STXBP4: variants seen among roughly 807,000 people sequenced by gnomAD.
STXBP4 encodes syntaxin-binding protein 4.
STXBP4 carries 55 observed loss-of-function variants against 76.1 expected under a neutral mutation model. That is an observed-to-expected ratio of 0.72 (90% CI 0.58 to 0.91). The LOEUF is 0.91. Ranked by LOEUF, STXBP4 falls within the 40% of genes least tolerant of loss-of-function variation. The pLI, the probability that STXBP4 is intolerant of heterozygous loss-of-function variation, is 0.00. For missense variants in STXBP4, 618 were observed against 636.9 expected (o/e 0.97, Z 0.32); for synonymous variants, 201 against 220.2 (o/e 0.91, Z 0.77).
intron 16 of STXBP4, among the ~76,000 whole-genome samples, chr17:55,121,331 C>T (rs1248129621): frequency 6.6e-6 from 1 of 152,004 alleles, no homozygotes; most frequent in Non-Finnish European, 1.5e-5. Context: ...TTTTGAATGG[C>T]AGTGATGGAA....
chr17:55,110,755 C>T (rs763323402), intron 16 of STXBP4, among the ~76,000 whole-genome samples: 3 of 152,118 alleles, frequency 2.0e-5, no homozygotes, highest in Non-Finnish European at 2.9e-5. Context: ...TAAGAATAGG[C>T]GGCAGTCCAG....
chr17:55,100,394 A>G (rs1055973751), intron 16 of STXBP4, among the ~76,000 whole-genome samples: 17 of 152,244 alleles, frequency 1.1e-4, no homozygotes, highest in East Asian at 1.9e-4. Context: ...ACAATTACTT[A>G]TAGCCTCAAT....
the STXBP4 span, among the ~76,000 whole-genome samples, chr17:55,209,201 C>T: frequency 1.3e-5 from 2 of 152,038 alleles, no homozygotes; most frequent in African/African-American, 4.8e-5. Flanking sequence ...GTTTATTTTC[C>T]ACTTTTGACG....
chr17:55,102,707 C>T (rs903582247), intron 16 of STXBP4, among the ~76,000 whole-genome samples: 1 of 152,196 alleles, frequency 6.6e-6, no homozygotes, highest in Non-Finnish European at 1.5e-5. Context: ...GGCACACTGT[C>T]TTCCACAATA....
rs968094875 is a variant in STXBP4 at position 55,165,184 on chromosome 17, G to A, written c.*5273G>A. On this transcript the variant is annotated 3_prime_UTR_variant, in exon 18 of 18. Coordinates refer to ENST00000376352, the MANE Select transcript of STXBP4 (RefSeq NM_178509.6). ...CCTTGGGGAACTAGAAAGGATTTAT[G>A]ATTTAGGTCAAAGATTTGAGAGCAC... 2 of 152,194 alleles carry A rather than the reference G, an allele frequency of 1.3e-5. No individual in the cohort carries two copies. Among genetic ancestry groups the A allele is most frequent in the African/African-American group, 4.8e-5 (2 of 41,452 alleles). The allele number at this position is 152,194 out of a possible 1,614,324, so 9.4% of individuals were successfully genotyped here.
At chr17:55,012,748 A>T (rs980138040) in intron 8 of STXBP4, among the ~76,000 whole-genome samples, 1 of 152,120 alleles carries the variant, frequency 6.6e-6, no homozygotes, top group African/African-American at 2.4e-5. Flanking sequence ...TTCCATTATC[A>T]CTGACCACTG....
intron 12 of STXBP4, among the ~76,000 whole-genome samples, chr17:55,059,237 C>T (rs867079881): frequency 3.3e-5 from 5 of 152,150 alleles, no homozygotes; most frequent in African/African-American, 1.2e-4. Flanking sequence ...AGGCTGATTG[C>T]ATAAAATATT....
At chr17:55,061,854 A>G (rs2078998293) in intron 12 of STXBP4, among the ~76,000 whole-genome samples, 1 of 152,114 alleles carries the variant, frequency 6.6e-6, no homozygotes, top group Non-Finnish European at 1.5e-5. Context: ...AAACTGGTTA[A>G]ATCTAAATAA....
intron 17 of STXBP4, among the ~76,000 whole-genome samples, chr17:55,150,721 G>C (rs1407752844): frequency 6.6e-6 from 1 of 152,144 alleles, no homozygotes; most frequent in Non-Finnish European, 1.5e-5. Flanking sequence ...TTAGGCCCTA[G>C]TCTTAGGGGA....
chr17:55,032,545 A>G (rs1004279356), intron 9 of STXBP4, among the ~76,000 whole-genome samples: 1 of 152,192 alleles, frequency 6.6e-6, no homozygotes, highest in African/African-American at 2.4e-5. Context: ...GTTTTTAGGC[A>G]GGATATTAAA....
chr17:55,085,632 A>T (rs2079316039), intron 16 of STXBP4, among the ~76,000 whole-genome samples: 1 of 152,156 alleles, frequency 6.6e-6, no homozygotes, highest in Middle Eastern at 3.4e-3. Flanking sequence ...AGAGAAAGAA[A>T]GATGTAAAGT....
At chr17:54,982,336 T>C (rs867422317) in intron 1 of STXBP4, among the ~76,000 whole-genome samples, 3 of 152,288 alleles carry the variant, frequency 2.0e-5, no homozygotes, top group Middle Eastern at 3.4e-3. Context: ...GGGATGAAGA[T>C]TGTTTTAATG....
intron 4 of STXBP4, among the ~76,000 whole-genome samples, chr17:54,998,658 A>C (rs1404193987): frequency 1.3e-5 from 2 of 152,162 alleles, no homozygotes; most frequent in African/African-American, 2.4e-5. Flanking sequence ...TATAGTAAAA[A>C]AGATTATGCT....
chr17:55,127,189 TC>T (rs1408045477), intron 16 of STXBP4, among the ~76,000 whole-genome samples: 5 of 152,188 alleles, frequency 3.3e-5, no homozygotes, highest in Admixed American at 1.3e-4. Context: ...TTGCTTTCTA[TC>T]ACTGTAGTTT....
At chr17:55,117,598 C>T (rs567870154) in intron 16 of STXBP4, among the ~76,000 whole-genome samples, 2 of 81,862 alleles carry the variant, frequency 2.4e-5, no homozygotes, top group South Asian at 3.4e-4. Context: ...CTGCACTAAT[C>T]GAAAAAAAAA....
chr17:55,139,903 T>G (rs2080076332), intron 16 of STXBP4, among the ~76,000 whole-genome samples: 1 of 152,138 alleles, frequency 6.6e-6, no homozygotes, highest in Non-Finnish European at 1.5e-5. Flanking sequence ...ACAATGCAAA[T>G]TGTATTTCTT....
chr17:55,162,662 TAA>T lies in STXBP4; in HGVS notation c.*2758_*2759del, dbSNP rs991188350. On this transcript the variant is annotated 3_prime_UTR_variant, in exon 18 of 18. Coordinates refer to ENST00000376352, the MANE Select transcript of STXBP4 (RefSeq NM_178509.6). The stretch of plus-strand genomic sequence containing the variant: ...AATTTTAAAACTAATCTATTTTATT[TAA>T]AAAAAATCAAGTACTTTGGAAGTGA... 1 of 151,882 alleles carries T rather than the reference TAA, an allele frequency of 6.6e-6. No individual in the cohort carries two copies. The highest frequency in any genetic ancestry group is 1.9e-4 in the East Asian group (1 of 5,200). 9.4% of individuals were successfully genotyped at this position (151,882 alleles called of 1,614,324 possible).
At chr17:55,043,702 T>C in intron 11 of STXBP4, 12 of 1,494,984 alleles carry the variant, frequency 8.0e-6, no homozygotes, top group Middle Eastern at 3.4e-4. Context: ...TTTTTTTTCA[T>C]GTGCAGGGCT....
rs770897226 is a variant in STXBP4 at position 55,159,855 on chromosome 17, C to T, written c.1606C>T (p.Arg536Cys). ...HPVMSVLNLSRSEENEEDCSR... is the reference protein window; with the variant it reads ...HPVMSVLNLSCSEENEEDCSR... Reference sequence around the variant, plus strand: ...CGTGATGAGTGTCCTGAATCTATCTCGCTCAGAGGAGAATGAAGAGGATTG... The same window carrying T: ...CGTGATGAGTGTCCTGAATCTATCTTGCTCAGAGGAGAATGAAGAGGATTG... Residue 536 changes from arginine to cysteine, a missense_variant, in exon 18 of 18, where the codon CGC (arginine) becomes TGC (cysteine). Transcript: ENST00000376352. 1.2e-5 allele frequency: 19 copies of T among 1,613,844 alleles called. No homozygotes were observed. Among genetic ancestry groups the T allele is most frequent in the Admixed American group, 1.7e-5 (1 of 60,002 alleles).
Sources: gnomAD v4.1 joint callset for allele counts (sites outside exome capture counted in the v4.1 genomes callset) on GRCh38, gnomAD v4.1.1 for gene constraint, MANE v1.5 for transcripts, NCBI Gene and HGNC (gene_info 2026-07-23, HGNC 2026-07-21) for gene names.